The following DNMT3A variants were observed in gnomAD, a reference collection of about 807,000 sequenced individuals.
DNMT3A encodes the protein DNA (cytosine-5)-methyltransferase 3A.
DNMT3A carries 267 observed loss-of-function variants against 117.6 expected under a neutral mutation model. The observed-to-expected ratio is 2.27, with a 90% confidence interval of 2.05 to 2.51. DNMT3A has a LOEUF of 2.51. DNMT3A is among the 30% of genes most tolerant of loss of function. The pLI is 0.00. For synonymous variants in DNMT3A, 432 were observed against 474.8 expected (o/e 0.91, Z 1.17); for missense variants, 1,029 against 1,260.2 (o/e 0.82, Z 2.78).
At chr2:25,335,550 T>C (rs1047873280) in intron 1 of DNMT3A, among the ~76,000 whole-genome samples, 1 of 152,206 alleles carries the variant, frequency 6.6e-6, no homozygotes, top group Non-Finnish European at 1.5e-5. Flanking sequence ...AAGCATCTTT[T>C]TACCTTTTCA....
chr2:25,339,338 G>A lies in DNMT3A; in HGVS notation c.-178+2488C>T, dbSNP rs1338413625. ...TCCTTTCCTAGGCTTCTCCAGGAAG[G>A]ACTCAGAGGGCAGCCCTGTGGACCA... On this transcript the variant is annotated intron_variant, in intron 1 of 22. Transcript: ENST00000321117. The surrounding 1 kb of genome is among the most constrained non-coding windows in gnomAD (Gnocchi z 4.9). 3.3e-5 allele frequency among the ~76,000 whole-genome samples: 5 copies of A among 152,176 alleles called. No individual in the cohort carries two copies. The highest frequency in any genetic ancestry group is 7.4e-5 in the Non-Finnish European group (5 of 68,022).
At chr2:25,313,422 G>C (rs1223498877) in intron 2 of DNMT3A, among the ~76,000 whole-genome samples, 1 of 152,226 alleles carries the variant, frequency 6.6e-6, no homozygotes, top group Non-Finnish European at 1.5e-5. Context: ...AGCCCAGCCT[G>C]TGCCTCCGTC....
Position 25,298,566 on chromosome 2 carries a change from C to T in DNMT3A, c.177+1573G>A, listed in dbSNP as rs1023669671. 1.3e-5 allele frequency among the ~76,000 whole-genome samples: 2 copies of T among 152,122 alleles called. No homozygotes were observed. Among genetic ancestry groups the T allele is most frequent in the Non-Finnish European group, 2.9e-5 (2 of 68,024 alleles). ...CAAGCCTCAGGAGAGAGGCAGGGCA[C>T]GCTGCAAATGTGGAGTCACCAGTGT... On this transcript the variant is annotated intron_variant, in intron 3 of 22. Transcript: ENST00000321117. This position sits in a 1 kb window ranked among gnomAD's most constrained non-coding sequence, Gnocchi z 4.3.
chr2:25,288,385 C>T (rs1355054798), intron 3 of DNMT3A, among the ~76,000 whole-genome samples: 2 of 151,824 alleles, frequency 1.3e-5, no homozygotes, highest in Non-Finnish European at 2.9e-5. Context: ...GAGCCAAGAT[C>T]GCTCACTTTT....
intron 6 of DNMT3A, among the ~76,000 whole-genome samples, chr2:25,271,590 A>T (rs1393849017): frequency 2.0e-5 from 3 of 152,174 alleles, no homozygotes; most frequent in African/African-American, 7.2e-5. Flanking sequence ...CCAATTCTTC[A>T]TTGGGAGCTT....
intron 2 of DNMT3A, 29 bp from the exon 3 acceptor site, chr2:25,300,272 C>T: frequency 1.3e-6 from 2 of 1,599,484 alleles, no homozygotes; most frequent in Non-Finnish European, 8.5e-7. Context: ...CCTGTGAGGC[C>T]AGAGGTGGAT....
intron 6 of DNMT3A, 72 bp downstream of exon 6, chr2:25,274,869 A>G: frequency 6.5e-7 from 1 of 1,549,446 alleles, no homozygotes; most frequent in Non-Finnish European, 8.7e-7. Context: ...CTGAAGGGGA[A>G]ACTGAGGCCC....
chr2:25,281,568 G>A lies in DNMT3A; in HGVS notation c.448+873C>T. Reference sequence around the variant, plus strand: ...TTTACTCATTTCATCATACACGCTTGGAAGGAAGACTTTTTGAAATTAAAA... The same window carrying A: ...TTTACTCATTTCATCATACACGCTTAGAAGGAAGACTTTTTGAAATTAAAA... On this transcript the variant is annotated intron_variant, in intron 4 of 22. Coordinates refer to ENST00000321117, the MANE Select transcript of DNMT3A (RefSeq NM_022552.5). This position sits in a 1 kb window ranked among gnomAD's most constrained non-coding sequence, Gnocchi z 4.8. 2.8e-6 allele frequency: 3 copies of A among 1,063,130 alleles called. No individual in the cohort carries two copies. Among genetic ancestry groups the A allele is most frequent in the Non-Finnish European group, 3.4e-6 (3 of 877,908 alleles). The allele number at this position is 1,063,130 out of a possible 1,614,324, so 65.9% of individuals were successfully genotyped here. A position where few individuals can be genotyped will look rare whatever the true frequency, so the allele number is the denominator to read the frequency against.
At chr2:25,250,972 G>A (rs535059603) in intron 6 of DNMT3A, among the ~76,000 whole-genome samples, 4 of 152,294 alleles carry the variant, frequency 2.6e-5, no homozygotes, top group African/African-American at 9.6e-5. Flanking sequence ...CCCCTTCACA[G>A]CGAGTTCCTG....
intron 3 of DNMT3A, among the ~76,000 whole-genome samples, chr2:25,287,862 T>C (rs1309422878): frequency 2.6e-5 from 4 of 151,646 alleles, no homozygotes; most frequent in Non-Finnish European, 4.4e-5. Flanking sequence ...GAGATGGAGT[T>C]TCGCTCTTGT....
At chr2:25,249,290 T>C (rs2149315638) in intron 6 of DNMT3A, among the ~76,000 whole-genome samples, 1 of 152,326 alleles carries the variant, frequency 6.6e-6, no homozygotes, top group Admixed American at 6.5e-5. Context: ...CAATCAATCC[T>C]TCCTATTCCT....
In DNMT3A at chr2:25,240,419, G is replaced by T; in HGVS notation, c.2205C>A (p.Tyr735Ter). Residue 735 changes from tyrosine (Y) to a stop codon, truncating the protein, a stop_gained, in exon 19 of 23, where the codon TAC (tyrosine) becomes TAA (stop). Coordinates refer to ENST00000321117, the MANE Select transcript of DNMT3A (RefSeq NM_022552.5). LOFTEE classifies it high-confidence loss of function. ...TGGGCCGCGCATCATGCAGGAGGCG[G>T]TAGAACTCAAAGAAGAGCCGGCCAG... ...EGTGRLFFEFYRLLHDARPKE... is the reference protein window; with the variant it reads ...EGTGRLFFEF 6.2e-7 allele frequency: 1 copy of T among 1,612,666 alleles called. No homozygotes were observed. The highest frequency in any genetic ancestry group is 8.5e-7 in the Non-Finnish European group (1 of 1,179,326).
intron 2 of DNMT3A, among the ~76,000 whole-genome samples, chr2:25,313,403 G>A (rs534167073): frequency 5.9e-5 from 9 of 152,280 alleles, no homozygotes; most frequent in East Asian, 1.9e-4. Flanking sequence ...GTGTGCTGGC[G>A]CCACACTGAG....
At chr2:25,240,504 G>T in intron 18 of DNMT3A, 54 bp from the exon 19 acceptor site, 1 of 1,580,948 alleles carries the variant, frequency 6.3e-7, no homozygotes, top group Non-Finnish European at 8.6e-7. Flanking sequence ...TAGGACAGTG[G>T]TGTGGCTCGG....
At position 25,300,712 on chromosome 2, in the gene DNMT3A, AATATATATATATATATATATATATAT is replaced by A. The variant is rs3039391; in HGVS notation, c.73-495_73-470del. 8.4e-3 allele frequency among the ~76,000 whole-genome samples: 159 copies of A among 18,928 alleles called. 7 individuals carry two copies. The highest frequency in any genetic ancestry group is 0.05 in the Middle Eastern group (2 of 40). 12.4% of individuals were successfully genotyped at this position (18,928 alleles called of 152,430 possible). A position where few individuals can be genotyped will look rare whatever the true frequency, so the allele number is the denominator to read the frequency against. On this transcript the variant is annotated intron_variant, in intron 2 of 22. Transcript: ENST00000321117. ...ATATATTTATATATCTAAATAATAT[AATATATATATATATATATATATATAT>A]ATATATATATATATATATATATATA...
At chr2:25,314,736 G>GAGGCCACGGCCACGGCCAAGGCCAC (rs933065886) in intron 1 of DNMT3A, 13 of 984,606 alleles carry the variant, frequency 1.3e-5, no homozygotes, top group African/African-American at 3.5e-5. Flanking sequence ...CTAGGAGGGA[G>GAGGCCACGGCCACGGCCAAGGCCAC]AGGCCACGGC....
intron 1 of DNMT3A, among the ~76,000 whole-genome samples, chr2:25,321,670 A>G (rs2034601977): frequency 6.6e-6 from 1 of 152,206 alleles, no homozygotes; most frequent in South Asian, 2.1e-4. Context: ...AGAGGCCAAG[A>G]CAGGAGGATC....
At chr2:25,328,341 T>G (rs2149444300) in intron 1 of DNMT3A, among the ~76,000 whole-genome samples, 1 of 152,168 alleles carries the variant, frequency 6.6e-6, no homozygotes, top group African/African-American at 2.4e-5. Context: ...CTCTCCCAGC[T>G]GCATCATTCC....
intron 2 of DNMT3A, among the ~76,000 whole-genome samples, chr2:25,301,658 T>C (rs1035035189): frequency 1.3e-5 from 2 of 152,208 alleles, no homozygotes; most frequent in African/African-American, 4.8e-5. Flanking sequence ...AGCTGGGCTC[T>C]GGCATGACTA....
Sources: gnomAD v4.1 joint callset for allele counts (sites outside exome capture counted in the v4.1 genomes callset) on GRCh38, gnomAD v4.1.1 for gene constraint, Gnocchi (gnomAD v3.1) non-coding constraint, MANE v1.5 for transcripts, NCBI Gene and HGNC (gene_info 2026-07-23, HGNC 2026-07-21) for gene names.